Variants in RGS7 observed in about 807,000 individuals in gnomAD.
RGS7 encodes regulator of G protein signaling 7.
A neutral mutation model predicts 81.1 loss-of-function variants in RGS7; 27 were observed. That is an observed-to-expected ratio of 0.33 (90% CI 0.25 to 0.46). The LOEUF (loss-of-function observed/expected upper bound fraction) is 0.46, where lower values mean the gene tolerates loss of function less well. Among genes scored for constraint, RGS7 ranks in the 20% least tolerant of loss-of-function variants. The probability of loss-of-function intolerance (pLI) is 1.00; values close to 1 mark genes in which losing one functional copy is unlikely to be tolerated. For missense variants in RGS7, 396 were observed against 607.4 expected (o/e 0.65, Z 3.66); for synonymous variants, 208 against 207.7 (o/e 1.00, Z -0.01).
intron 6 of RGS7, among the ~76,000 whole-genome samples, chr1:240,874,117 G>A (rs764752173): frequency 2.6e-5 from 4 of 152,162 alleles, no homozygotes; most frequent in African/African-American, 4.8e-5. Flanking sequence ...AGACAGTGCC[G>A]ACTATGAACC....
rs566344793 is a variant in RGS7, at chr1:241,260,641, T to A, written c.78+95058A>T. On this transcript the variant is annotated intron_variant, in intron 2 of 18. Transcript: ENST00000440928. ...CACTGAATCTTGAACTCACCTTTAC[T>A]ATAAGGGTAATATTATCTACTTTAC... Among the ~76,000 whole-genome samples, 3 of 152,270 alleles carry A rather than the reference T, an allele frequency of 2.0e-5. No individual in the cohort carries two copies. The East Asian group carries it at 5.8e-4, about 29-fold the overall frequency.
chr1:241,351,254 AG>A (rs1211643535), intron 2 of RGS7, among the ~76,000 whole-genome samples: 2 of 152,018 alleles, frequency 1.3e-5, no homozygotes, highest in African/African-American at 4.8e-5. Flanking sequence ...CCCCATCTCT[AG>A]AAAAAACAAA....
intron 14 of RGS7, among the ~76,000 whole-genome samples, chr1:240,811,134 A>G (rs535711387): frequency 1.3e-5 from 2 of 152,348 alleles, no homozygotes; most frequent in East Asian, 3.9e-4. Flanking sequence ...TGAATTTTAC[A>G]GGACTGCATA....
At chr1:240,851,787 C>T (rs1000941034) in intron 9 of RGS7, among the ~76,000 whole-genome samples, 16 of 152,090 alleles carry the variant, frequency 1.1e-4, no homozygotes, top group African/African-American at 1.4e-4. Context: ...AAGAAGTAAT[C>T]GCAGATGTGG....
intron 2 of RGS7, among the ~76,000 whole-genome samples, chr1:241,162,404 G>C (rs986106426): frequency 3.3e-5 from 5 of 152,198 alleles, no homozygotes; most frequent in Non-Finnish European, 7.3e-5. Flanking sequence ...CCCCTTCCAA[G>C]TGCTGACAGG....
At chr1:241,231,077 T>C (rs2148060809) in intron 2 of RGS7, among the ~76,000 whole-genome samples, 1 of 152,310 alleles carries the variant, frequency 6.6e-6, no homozygotes, top group South Asian at 2.1e-4. Flanking sequence ...TTTCTCCTTT[T>C]CTTCAGGCCA....
intron 5 of RGS7, among the ~76,000 whole-genome samples, chr1:240,932,513 C>CTTTTTTTTTTTTTT (rs56232293): frequency 7.9e-6 from 1 of 126,906 alleles, no homozygotes; most frequent in Non-Finnish European, 1.6e-5. Flanking sequence ...TAGGGTGTCA[C>CTTTTTTTTTTTTTT]TTTTTTTTTT....
intron 10 of RGS7, among the ~76,000 whole-genome samples, chr1:240,822,132 G>A (rs1370232454): frequency 1.3e-5 from 2 of 152,150 alleles, no homozygotes; most frequent in East Asian, 1.9e-4. Flanking sequence ...TTCACAATGC[G>A]GGTGGGCCTC....
intron 18 of RGS7, among the ~76,000 whole-genome samples, chr1:240,784,494 G>T (rs1408705666): frequency 6.6e-6 from 1 of 150,608 alleles, no homozygotes; most frequent in Non-Finnish European, 1.5e-5. Flanking sequence ...AATACAAAAA[G>T]AATTAGCCGG....
rs191301152 is a variant in RGS7 at position 240,892,246 on chromosome 1, T to C, written c.386-22127A>G. Among the ~76,000 whole-genome samples, 58 of 152,326 alleles carry C rather than the reference T, an allele frequency of 3.8e-4. No homozygotes were observed. The South Asian group carries it at 7.0e-3, about 18-fold the overall frequency. On this transcript the variant is annotated intron_variant, in intron 6 of 18. Coordinates refer to ENST00000440928, the MANE Select transcript of RGS7 (RefSeq NM_001364886.1). ...CTAGTAATGACGTGTCCTTTTAGAATATGAAATTAAAACCAAGTATTCTAA... is the reference window on the plus strand; with the variant it reads ...CTAGTAATGACGTGTCCTTTTAGAACATGAAATTAAAACCAAGTATTCTAA...
At chr1:241,105,826 T>G (rs1292444724) in intron 2 of RGS7, among the ~76,000 whole-genome samples, 2 of 152,340 alleles carry the variant, frequency 1.3e-5, no homozygotes, top group Non-Finnish European at 2.9e-5. Flanking sequence ...AGAAGAAGTT[T>G]TCCAACTCTG....
intron 6 of RGS7, among the ~76,000 whole-genome samples, chr1:240,905,108 TA>T (rs1308985975): frequency 6.6e-6 from 1 of 152,196 alleles, no homozygotes; most frequent in Admixed American, 6.5e-5. Flanking sequence ...GAATATATTT[TA>T]AGACAAGAAT....
chr1:241,089,954 A>C (rs2502423), intron 3 of RGS7, among the ~76,000 whole-genome samples: 28,648 of 145,832 alleles, frequency 0.2, 3,276 homozygotes, highest in African/African-American at 0.3. Flanking sequence ...AGATCGCGCC[A>C]CTGCACTCCA....
At position 240,919,941 on chromosome 1, in the gene RGS7, C is replaced by T. The variant is rs1256560943; in HGVS notation, c.385+10776G>A. 3.8e-6 allele frequency: 5 copies of T among 1,303,430 alleles called. No individual in the cohort carries two copies. In the East Asian group the frequency reaches 9.2e-5, roughly 24 times the overall value. The allele number at this position is 1,303,430 out of a possible 1,614,324, so 80.7% of individuals were successfully genotyped here. ...TGTCTCAAGAGAAGATTCTCAAAGACCAGGTGCCCACTTAACTGTGAAAAA... is the reference window on the plus strand; with the variant it reads ...TGTCTCAAGAGAAGATTCTCAAAGATCAGGTGCCCACTTAACTGTGAAAAA... On this transcript the variant is annotated intron_variant, in intron 6 of 18. Coordinates refer to ENST00000440928, the MANE Select transcript of RGS7 (RefSeq NM_001364886.1).
chr1:241,212,198 T>G (rs958782326), intron 2 of RGS7, among the ~76,000 whole-genome samples: 2 of 152,172 alleles, frequency 1.3e-5, no homozygotes, highest in Non-Finnish European at 2.9e-5. Flanking sequence ...ATGTAATAAC[T>G]GGATACACTG....
At chr1:241,047,822 C>G (rs1391784426) in intron 3 of RGS7, among the ~76,000 whole-genome samples, 1 of 149,384 alleles carries the variant, frequency 6.7e-6, no homozygotes, top group Non-Finnish European at 1.5e-5. Context: ...TCACTGCAAC[C>G]TCCGCCTCCC....
At chr1:240,930,856 A>G in intron 5 of RGS7, 88 bp from the exon 6 acceptor site, 1 of 1,202,860 alleles carries the variant, frequency 8.3e-7, no homozygotes, top group Non-Finnish European at 1.2e-6. Flanking sequence ...ATCTTCCACA[A>G]TTCTCTATAT....
chr1:240,921,458 G>C (rs963902899), intron 6 of RGS7, among the ~76,000 whole-genome samples: 2 of 152,000 alleles, frequency 1.3e-5, no homozygotes, highest in Non-Finnish European at 2.9e-5. Flanking sequence ...AGAAAAAAAG[G>C]GTATATAGTT....
chr1:241,202,047 C>CAG (rs1553282731), intron 2 of RGS7, among the ~76,000 whole-genome samples: 2 of 150,270 alleles, frequency 1.3e-5, no homozygotes, highest in Non-Finnish European at 3.0e-5. Flanking sequence ...CACACACACA[C>CAG]AGAGACACCC....
Sources: gnomAD v4.1 joint callset for allele counts (sites outside exome capture counted in the v4.1 genomes callset) on GRCh38, gnomAD v4.1.1 for gene constraint, MANE v1.5 for transcripts, NCBI Gene and HGNC (gene_info 2026-07-23, HGNC 2026-07-21) for gene names.